The following NTSR1 variants were observed in gnomAD, a reference collection of about 807,000 sequenced individuals.
The protein encoded by NTSR1 is neurotensin receptor 1.
Under a neutral mutation model 31.2 loss-of-function variants are expected in NTSR1, and 29 were observed. That is an observed-to-expected ratio of 0.93 (90% CI 0.69 to 1.27). NTSR1 has a LOEUF of 1.27. NTSR1 is among the 50% of genes most tolerant of loss of function. The probability of loss-of-function intolerance (pLI) is 0.00; values close to 1 mark genes in which losing one functional copy is unlikely to be tolerated. For synonymous variants in NTSR1, 282 were observed against 269.9 expected (o/e 1.04, Z -0.44); for missense variants, 697 against 595.4 (o/e 1.17, Z -1.78).
chr20:62,755,705 T>C (rs376626438), intron 2 of NTSR1, among the ~76,000 whole-genome samples: 3 of 704 alleles, frequency 4.3e-3, no homozygotes, highest in Non-Finnish European at 2.7e-3. Context: ...ATCATCCCTC[T>C]CTCCCTCCAT....
Position 62,741,979 on chromosome 20 carries a change from T to G in NTSR1, c.715-12706T>G, listed in dbSNP as rs1003149715. Among the ~76,000 whole-genome samples, 2 of 149,460 alleles carry G rather than the reference T, an allele frequency of 1.3e-5. No homozygotes were observed. The highest frequency in any genetic ancestry group is 2.9e-5 in the Non-Finnish European group (2 of 68,014). On this transcript the variant is annotated intron_variant, in intron 1 of 3. Transcript: ENST00000370501. This position sits in a 1 kb window ranked among gnomAD's most constrained non-coding sequence, Gnocchi z 4.3. ...GCCTCTGCCTCACAGATGAGACCTG[T>G]GTGCCTGAGGTGGTGCACACAGAGT... is the stretch of plus-strand genomic sequence containing the variant.
chr20:62,709,652 G>A lies in NTSR1; in HGVS notation c.445G>A (p.Asp149Asn), dbSNP rs888344781. Residue 149 changes from aspartate to asparagine, a missense_variant, in exon 1 of 4, where the codon GAC becomes AAC. Coordinates refer to ENST00000370501, the MANE Select transcript of NTSR1 (RefSeq NM_002531.3). ...CTGCCGCGGCTACTACTTCCTGCGC[G>A]ACGCCTGCACCTACGCCACGGCCCT... ...AGCRGYYFLR[D>N]ACTYATALNV... 2 of 1,612,586 alleles carry A rather than the reference G, an allele frequency of 1.2e-6. No individual in the cohort carries two copies. The highest frequency in any genetic ancestry group is 1.3e-5 in the African/African-American group (1 of 75,060).
intron 1 of NTSR1, among the ~76,000 whole-genome samples, chr20:62,727,194 G>A (rs1453226266): frequency 1.3e-5 from 2 of 152,250 alleles, no homozygotes; most frequent in Non-Finnish European, 2.9e-5. Context: ...TGAGGGCTCC[G>A]CACTGCCCCC....
At chr20:62,716,766 C>T (rs1988733424) in intron 1 of NTSR1, among the ~76,000 whole-genome samples, 3 of 152,214 alleles carry the variant, frequency 2.0e-5, no homozygotes, top group South Asian at 4.1e-4. Context: ...GCCCCCATCC[C>T]GGCAGCCCCT....
chr20:62,709,611 C>T lies in NTSR1; in HGVS notation c.404C>T (p.Ala135Val). Residue 135 changes from alanine to valine, a missense_variant, in exon 1 of 4, where the codon GCC becomes GTC. Transcript: ENST00000370501. Reference protein sequence around the residue: ...YNFIWVHHPWAFGDAGCRGYY... With the variant: ...YNFIWVHHPWVFGDAGCRGYY... Reference sequence around the variant, plus strand: ...TTCATCTGGGTGCACCACCCCTGGGCCTTCGGCGACGCCGGCTGCCGCGGC... The same window carrying T: ...TTCATCTGGGTGCACCACCCCTGGGTCTTCGGCGACGCCGGCTGCCGCGGC... 1.2e-6 allele frequency: 2 copies of T among 1,611,834 alleles called. No homozygotes were observed. The highest frequency in any genetic ancestry group is 1.3e-5 in the African/African-American group (1 of 75,064).
At position 62,738,418 on chromosome 20, in the gene NTSR1, C is replaced by G. The variant is rs73918664; in HGVS notation, c.715-16267C>G. The stretch of plus-strand genomic sequence containing the variant: ...CCTCCCAGCTGCCAGCAGTAATAGC[C>G]CGAGCCATGGGGAGGCCTCGTTTCC... On this transcript the variant is annotated intron_variant, in intron 1 of 3. Coordinates refer to ENST00000370501, the MANE Select transcript of NTSR1 (RefSeq NM_002531.3). Among the ~76,000 whole-genome samples, 1,365 of 152,346 alleles carry G rather than the reference C, an allele frequency of 9.0e-3. 25 individuals carry two copies. Among genetic ancestry groups the G allele is most frequent in the African/African-American group, 0.031 (1,300 of 41,572 alleles).
chr20:62,717,294 G>A (rs1290789735), intron 1 of NTSR1, among the ~76,000 whole-genome samples: 7 of 152,242 alleles, frequency 4.6e-5, no homozygotes, highest in Admixed American at 2.0e-4. Flanking sequence ...CTGTGCACCT[G>A]TGGGGGCTGT....
rs1989265519 is a variant in NTSR1 at position 62,744,666 on chromosome 20, G to A, written c.715-10019G>A. ...CACTTGAACCTGGGAGACGGAGGTTGTGATAAGCAGAAATCGCGCCACTGC... is the reference window on the plus strand; with the variant it reads ...CACTTGAACCTGGGAGACGGAGGTTATGATAAGCAGAAATCGCGCCACTGC... On this transcript the variant is annotated intron_variant, in intron 1 of 3. Coordinates refer to ENST00000370501, the MANE Select transcript of NTSR1 (RefSeq NM_002531.3). This position sits in a 1 kb window ranked among gnomAD's most constrained non-coding sequence, Gnocchi z 4.1. Among the ~76,000 whole-genome samples, 1 of 152,116 alleles carries A rather than the reference G, an allele frequency of 6.6e-6. No individual in the cohort carries two copies. Among genetic ancestry groups the A allele is most frequent in the Non-Finnish European group, 1.5e-5 (1 of 68,012 alleles).
chr20:62,755,293 ATTCAT>A, intron 2 of NTSR1, among the ~76,000 whole-genome samples: 1 of 86,082 alleles, frequency 1.2e-5, no homozygotes, highest in Non-Finnish European at 2.5e-5. Flanking sequence ...CCTTCCCTCC[ATTCAT>A]TCCTCTACCT....
At chr20:62,754,522 G>A (rs1989446168) in intron 1 of NTSR1, among the ~76,000 whole-genome samples, 163 bp from the exon 2 acceptor site, 2 of 152,158 alleles carry the variant, frequency 1.3e-5, no homozygotes, top group Non-Finnish European at 2.9e-5. Context: ...GGGTGGCCAT[G>A]TCTTCCGGGC....
At position 62,715,124 on chromosome 20, in the gene NTSR1, TAA is replaced by T. The variant is rs1988689825; in HGVS notation, c.714+5206_714+5207del. Among the ~76,000 whole-genome samples the T allele has an allele frequency of 6.6e-6, 1 of 152,078 alleles. No homozygotes were observed. Among genetic ancestry groups the T allele is most frequent in the Admixed American group, 6.6e-5 (1 of 15,262 alleles). ...TGGCATGTTTGAAAAATTTAGTAATTAAAAGTTTTCAAAAGGTTAAGGTGCTA... is the reference window on the plus strand; with the variant it reads ...TGGCATGTTTGAAAAATTTAGTAATTAAGTTTTCAAAAGGTTAAGGTGCTA... On this transcript the variant is annotated intron_variant, in intron 1 of 3. Coordinates refer to ENST00000370501, the MANE Select transcript of NTSR1 (RefSeq NM_002531.3). The surrounding 1 kb of genome is among the most constrained non-coding windows in gnomAD (Gnocchi z 4.7).
chr20:62,713,554 C>A (rs1988657696), intron 1 of NTSR1, among the ~76,000 whole-genome samples: 1 of 152,224 alleles, frequency 6.6e-6, no homozygotes. Flanking sequence ...CTGTGCCCAG[C>A]AACCTCCACA....
Position 62,760,404 on chromosome 20 carries a change from C to G in NTSR1, c.*137C>G. The G allele has an allele frequency of 1.1e-6, 1 of 899,782 alleles. No homozygotes were observed. Among genetic ancestry groups the G allele is most frequent in the Non-Finnish European group, 1.6e-6 (1 of 622,666 alleles). 55.7% of individuals were successfully genotyped at this position (899,782 alleles called of 1,614,324 possible). On this transcript the variant is annotated 3_prime_UTR_variant, in exon 4 of 4. Coordinates refer to ENST00000370501, the MANE Select transcript of NTSR1 (RefSeq NM_002531.3). ...TGCACTGGAGTCTGAGGCCTGGGAC[C>G]CCCCCCTCCCACCCCCTAACCCATG...
At position 62,714,107 on chromosome 20, in the gene NTSR1, G is replaced by T. The variant is rs1988668343; in HGVS notation, c.714+4186G>T. Among the ~76,000 whole-genome samples the T allele has an allele frequency of 6.6e-6, 1 of 152,158 alleles. No individual in the cohort carries two copies. The highest frequency in any genetic ancestry group is 1.5e-5 in the Non-Finnish European group (1 of 68,022). On this transcript the variant is annotated intron_variant, in intron 1 of 3. Transcript: ENST00000370501. The surrounding 1 kb of genome is among the most constrained non-coding windows in gnomAD (Gnocchi z 4.1). ...AACTGTCTCAAAGAAAAAAAAAGTT[G>T]CAGAAGAAGTTCTTCAAGGGGTCCT... is the stretch of plus-strand genomic sequence containing the variant.
At chr20:62,747,215 C>A (rs1262329775) in intron 1 of NTSR1, among the ~76,000 whole-genome samples, 1 of 152,206 alleles carries the variant, frequency 6.6e-6, no homozygotes, top group Non-Finnish European at 1.5e-5. Flanking sequence ...AAACACTCAA[C>A]AAACTGGGTG....
chr20:62,754,917 G>A (rs1198323634), intron 2 of NTSR1, 31 bp downstream of exon 2: 3 of 1,552,940 alleles, frequency 1.9e-6, no homozygotes, highest in Non-Finnish European at 2.6e-6. Context: ...CCAGGGGCGG[G>A]AGGCAGGCCA....
Position 62,760,987 on chromosome 20 carries a change from C to G in NTSR1, c.*720C>G, listed in dbSNP as rs867821335. 3.1e-4 allele frequency: 47 copies of G among 152,554 alleles called. No individual in the cohort carries two copies. Among genetic ancestry groups the G allele is most frequent in the African/African-American group, 1.1e-3 (46 of 41,480 alleles). 9.5% of individuals were successfully genotyped at this position (152,554 alleles called of 1,614,324 possible). The stretch of plus-strand genomic sequence containing the variant: ...GACCCCAGCCTCCCCTCCTCCCTCC[C>G]ATCCTCACCCAGGCCAAGGCCCAGG... On this transcript the variant is annotated 3_prime_UTR_variant, in exon 4 of 4. Coordinates refer to ENST00000370501, the MANE Select transcript of NTSR1 (RefSeq NM_002531.3).
At chr20:62,728,018 G>A (rs1988938432) in intron 1 of NTSR1, among the ~76,000 whole-genome samples, 1 of 152,262 alleles carries the variant, frequency 6.6e-6, no homozygotes, top group Non-Finnish European at 1.5e-5. Context: ...GGTGCCTGCA[G>A]GGCCAAGGAA....
In NTSR1 at chr20:62,760,602, T is replaced by A; in HGVS notation, c.*335T>A. ...TTTTCTTTGTTCTCAGACTAATGGA[T>A]GGTTCCAGAGAAGGAAATGAAAGGT... On this transcript the variant is annotated 3_prime_UTR_variant, in exon 4 of 4. Transcript: ENST00000370501. 2 of 253,484 alleles carry A rather than the reference T, an allele frequency of 7.9e-6. No individual in the cohort carries two copies. Among genetic ancestry groups the A allele is most frequent in the Non-Finnish European group, 1.5e-5 (2 of 130,440 alleles). The allele number at this position is 253,484 out of a possible 1,614,324, so 15.7% of individuals were successfully genotyped here.
Sources: allele counts gnomAD v4.1 joint callset (sites outside exome capture counted in the v4.1 genomes callset), GRCh38; gene constraint gnomAD v4.1.1; non-coding constraint Gnocchi (gnomAD v3.1); transcripts MANE v1.5; gene names NCBI Gene and HGNC (gene_info 2026-07-23, HGNC 2026-07-21).